The following F8 variants were observed in gnomAD, a reference collection of about 807,000 sequenced individuals.
The protein encoded by F8 is antihemophilic factor.
F8 carries 12 observed loss-of-function variants against 140.6 expected under a neutral mutation model. The ratio of observed to expected loss-of-function variants is 0.09; its 90% CI spans 0.05 to 0.14. The LOEUF is 0.14. Ranked by LOEUF, F8 falls within the 10% of genes least tolerant of loss-of-function variation. The pLI is 1.00. For missense variants in F8, 1,354 were observed against 1,720.7 expected, an observed-to-expected ratio of 0.79 and a Z score of 3.77; for synonymous variants, 585 against 614.6, an observed-to-expected ratio of 0.95 and a Z score of 0.71.
intron 13 of F8, among the ~76,000 whole-genome samples, chrX:154,932,938 T>G (rs1381420223): frequency 9.0e-6 from 1 of 111,011 alleles, no homozygotes; most frequent in East Asian, 2.8e-4. Flanking sequence ...AAGGCAGACA[T>G]TATAAGAAAA....
intron 13 of F8, among the ~76,000 whole-genome samples, chrX:154,939,471 G>C (rs1557279498): frequency 8.9e-6 from 1 of 112,682 alleles, no homozygotes; most frequent in Non-Finnish European, 1.9e-5. Flanking sequence ...CTGGGGGATG[G>C]GTGCCCGCCA....
intron 12 of F8, among the ~76,000 whole-genome samples, chrX:154,951,278 A>T (rs986209916): frequency 8.9e-6 from 1 of 112,066 alleles, no homozygotes; most frequent in Non-Finnish European, 1.9e-5. Context: ...CAAAATTATA[A>T]AACAAACATC....
In F8 at chrX:154,947,839, T is replaced by G; in HGVS notation, c.1972A>C (p.Ile658Leu). The G allele has an allele frequency of 1.7e-6, 2 of 1,210,977 alleles. No homozygotes were observed. Among genetic ancestry groups the G allele is most frequent in the Non-Finnish European group, 1.1e-6 (1 of 894,846 alleles). ...TCAGTCTGTGCTCCAATGCTTAGAA[T>G]GTACCAGTATGCCACCTCATGCAAA... ...VCLHEVAYWYILSIGAQTDFL... is the reference protein window; with the variant it reads ...VCLHEVAYWYLLSIGAQTDFL... The change falls in exon 13 of 26, where the codon ATT becomes CTT. Residue 658 changes from isoleucine (I) to leucine (L), a missense_variant. By Grantham distance (5) the Ile-to-Leu change is conservative. Around this residue, in one of 4 missense-constraint regions of F8, gnomAD observed 252 missense variants for 338.5 expected, o/e 0.74. Coordinates refer to ENST00000360256, the MANE Select transcript of F8 (RefSeq NM_000132.4).
intron 1 of F8, 93 bp downstream of exon 1, chrX:155,022,317 A>G: frequency 1.0e-6 from 1 of 960,663 alleles, no homozygotes; most frequent in Non-Finnish European, 1.5e-6. Flanking sequence ...GTAGCATCAC[A>G]ACCATCCTAA....
At chrX:154,857,855 T>C (rs782437153) in intron 25 of F8, among the ~76,000 whole-genome samples, 1 of 112,480 alleles carries the variant, frequency 8.9e-6, no homozygotes, top group East Asian at 2.8e-4. Flanking sequence ...GTAAATATGA[T>C]GGGCCGGGTG....
At chrX:154,888,433 C>T (rs1372512849) in intron 22 of F8, among the ~76,000 whole-genome samples, 5 of 70,093 alleles carry the variant, frequency 7.1e-5, no homozygotes, top group Non-Finnish European at 1.2e-4. Flanking sequence ...CTCACTCTGT[C>T]GCCCAGGCAG....
rs782671808 is a variant in F8, at chrX:154,931,058, T to C, written c.2732A>G (p.Asp911Gly). ...ATTATCAGTACCTGCTGCCAAATTG[T>C]CTGATGGAATTGTTGAAATCAGATT... The part of the protein sequence containing the change: ...SNNLISTIPS[D>G]NLAAGTDNTS... The change falls in exon 14 of 26, where the codon GAC becomes GGC. Residue 911 changes from aspartate to glycine, a missense_variant. Around this residue, in one of 4 missense-constraint regions of F8, gnomAD observed 658 missense variants for 666.5 expected, o/e 0.99. Transcript: ENST00000360256. 1.2e-5 allele frequency: 14 copies of C among 1,197,147 alleles called. No individual in the cohort carries two copies. The South Asian group carries it at 1.5e-4, about 13-fold the overall frequency.
At chrX:154,853,514 T>A (rs2072630596) in intron 25 of F8, among the ~76,000 whole-genome samples, 1 of 112,003 alleles carries the variant, frequency 8.9e-6, no homozygotes, top group African/African-American at 3.2e-5. Context: ...ATGTCTGTGA[T>A]CTTATAATTT....
chrX:154,895,549 G>A (rs1233313006), intron 22 of F8, among the ~76,000 whole-genome samples: 4 of 111,509 alleles, frequency 3.6e-5, no homozygotes, highest in Non-Finnish European at 7.5e-5. Flanking sequence ...AGATGTGAGA[G>A]GCATTGCAAA....
intron 9 of F8, among the ~76,000 whole-genome samples, chrX:154,965,440 T>TTC (rs1230183693): frequency 9.0e-6 from 1 of 111,662 alleles, no homozygotes; most frequent in Non-Finnish European, 1.9e-5. Flanking sequence ...ACCATACTCA[T>TTC]TCTTAATATC....
chrX:154,962,236 C>G (rs1325226051), intron 9 of F8, among the ~76,000 whole-genome samples: 2 of 112,009 alleles, frequency 1.8e-5, no homozygotes, highest in Non-Finnish European at 3.8e-5. Flanking sequence ...CCTTTCCACT[C>G]CAAATTTACA....
rs1199157954 is a variant in F8 at position 155,001,418 on chromosome X, G to A, written c.144-1818C>T. ...TTCGAGTGATCCTCCCGCCTCAGCCGCCAGAGTAGGTGGGACTACAGGCGT... is the reference window on the plus strand; with the variant it reads ...TTCGAGTGATCCTCCCGCCTCAGCCACCAGAGTAGGTGGGACTACAGGCGT... On this transcript the variant is annotated intron_variant, in intron 1 of 25. Transcript: ENST00000360256. Among the ~76,000 whole-genome samples the A allele has an allele frequency of 3.0e-5, 3 of 101,421 alleles. 1 individual carries two copies. The highest frequency in any genetic ancestry group is 5.9e-5 in the Non-Finnish European group (3 of 50,761). The allele number at this position is 101,421 out of a possible 115,157, so 88.1% of individuals were successfully genotyped here.
chrX:154,963,462 T>G (rs1226367057), intron 9 of F8, among the ~76,000 whole-genome samples: 8 of 111,873 alleles, frequency 7.2e-5, no homozygotes, highest in South Asian at 3.7e-4. Flanking sequence ...TGTTGGATAT[T>G]TGGGTTGGTT....
rs1322942620 is a variant in F8 at position 154,982,352 on chromosome X, C to T, written c.787+2335G>A. Among the ~76,000 whole-genome samples the T allele has an allele frequency of 5.0e-5, 5 of 100,999 alleles. No individual in the cohort carries two copies. The Admixed American group carries it at 5.5e-4, about 11-fold the overall frequency. The allele number at this position is 100,999 out of a possible 115,157, so 87.7% of individuals were successfully genotyped here. On this transcript the variant is annotated intron_variant, in intron 6 of 25. Coordinates refer to ENST00000360256, the MANE Select transcript of F8 (RefSeq NM_000132.4). ...GTCCCAGCTACTCGGGAGGCTGAGG[C>T]AGGAGAATGGCGTGAACCCCGGGGG... is the stretch of plus-strand genomic sequence containing the variant.
intron 21 of F8, 46 bp downstream of exon 21, chrX:154,899,820 T>C: frequency 9.1e-7 from 1 of 1,103,317 alleles, no homozygotes; most frequent in Non-Finnish European, 1.3e-6. Flanking sequence ...AGTAATGCAA[T>C]TGATTGAATG....
intron 14 of F8, among the ~76,000 whole-genome samples, chrX:154,921,324 G>A (rs910889621): frequency 1.8e-5 from 2 of 111,701 alleles, no homozygotes; most frequent in Non-Finnish European, 3.8e-5. Flanking sequence ...CAAAACCACA[G>A]TGAGATACCA....
intron 24 of F8, 134 bp downstream of exon 24, chrX:154,861,584 C>G: frequency 1.2e-6 from 1 of 812,722 alleles, no homozygotes; most frequent in Non-Finnish European, 1.8e-6. Context: ...CTGCCCATAA[C>G]CAAACTTCCT....
intron 6 of F8, among the ~76,000 whole-genome samples, chrX:154,972,250 G>T (rs782494915): frequency 9.0e-6 from 1 of 111,526 alleles, no homozygotes; most frequent in South Asian, 3.7e-4. Flanking sequence ...TTGTAGTTTT[G>T]ATTTTAATTT....
chrX:154,902,502 T>A (rs2073015589), intron 18 of F8, among the ~76,000 whole-genome samples: 1 of 111,921 alleles, frequency 8.9e-6, no homozygotes. Context: ...AGATGTGGAC[T>A]CTGTGAAACA....
Sources: gnomAD v4.1 joint callset for allele counts (sites outside exome capture counted in the v4.1 genomes callset) on GRCh38, gnomAD v4.1.1 for gene constraint, gnomAD v4.1.1 regional missense constraint, MANE v1.5 for transcripts, NCBI Gene and HGNC (gene_info 2026-07-23, HGNC 2026-07-21) for gene names.